The following IGF1R variants were observed in gnomAD, a reference collection of about 807,000 sequenced individuals.
IGF1R encodes insulin like growth factor 1 receptor, also known as insulin-like growth factor 1 receptor.
IGF1R carries 44 observed loss-of-function variants against 144.6 expected under a neutral mutation model. That is an observed-to-expected ratio of 0.30 (90% CI 0.24 to 0.39). IGF1R has a LOEUF of 0.39. Ranked by LOEUF, IGF1R falls within the 10% of genes least tolerant of loss-of-function variation. The pLI is 1.00. For missense variants in IGF1R, 1,355 were observed against 1,833.7 expected (o/e 0.74, Z 4.77); for synonymous variants, 795 against 722.8 (o/e 1.10, Z -1.60).
chr15:98,828,628 C>T (rs1039571298), intron 2 of IGF1R, among the ~76,000 whole-genome samples: 1 of 152,100 alleles, frequency 6.6e-6, no homozygotes, highest in African/African-American at 2.4e-5. Flanking sequence ...GTGCTGTGGC[C>T]ACAGGGTGTC....
At chr15:98,692,413 G>C (rs186882716) in intron 1 of IGF1R, among the ~76,000 whole-genome samples, 49 of 152,210 alleles carry the variant, frequency 3.2e-4, no homozygotes, top group African/African-American at 1.2e-3. Context: ...CATCATCATA[G>C]TTTACTGTAG....
At chr15:98,925,132 A>C (rs1377998060) in intron 13 of IGF1R, among the ~76,000 whole-genome samples, 1 of 152,132 alleles carries the variant, frequency 6.6e-6, no homozygotes, top group Non-Finnish European at 1.5e-5. Flanking sequence ...TCCAGAGGTC[A>C]TCTGGTTCAG....
chr15:98,717,761 AT>A (rs1567092683), intron 2 of IGF1R, among the ~76,000 whole-genome samples: 1 of 152,148 alleles, frequency 6.6e-6, no homozygotes, highest in African/African-American at 2.4e-5. Flanking sequence ...TAAATACCAT[AT>A]TTTTTAAATG....
chr15:98,908,647 A>G (rs1226256222), intron 5 of IGF1R, 38 bp from the exon 6 acceptor site: 3 of 1,559,540 alleles, frequency 1.9e-6, no homozygotes, highest in Non-Finnish European at 2.6e-6. Context: ...GACTGTGGCC[A>G]AGGGCAGGTG....
intron 2 of IGF1R, among the ~76,000 whole-genome samples, chr15:98,797,458 T>G (rs770051183): frequency 6.6e-6 from 1 of 152,242 alleles, no homozygotes; most frequent in Non-Finnish European, 1.5e-5. Flanking sequence ...ATTTAGTAAC[T>G]TCAAATTGTT....
chr15:98,888,438 AGTGTGT>A (rs1191582086), intron 2 of IGF1R, among the ~76,000 whole-genome samples: 7 of 143,354 alleles, frequency 4.9e-5, no homozygotes, highest in African/African-American at 1.6e-4. Context: ...AGAGAGAGAG[AGTGTGT>A]GTGTGTGTGT....
intron 2 of IGF1R, among the ~76,000 whole-genome samples, chr15:98,769,959 C>T (rs1166795502): frequency 6.6e-6 from 1 of 152,056 alleles, no homozygotes; most frequent in Non-Finnish European, 1.5e-5. Flanking sequence ...GTGTTAATCT[C>T]CCGCCTTTGT....
At chr15:98,729,576 T>A (rs1277172198) in intron 2 of IGF1R, among the ~76,000 whole-genome samples, 1 of 151,874 alleles carries the variant, frequency 6.6e-6, no homozygotes, top group Non-Finnish European at 1.5e-5. Flanking sequence ...TTTTTTTTTT[T>A]TAAGTGAACC....
chr15:98,887,500 A>C (rs746206948), intron 2 of IGF1R, among the ~76,000 whole-genome samples: 10 of 152,154 alleles, frequency 6.6e-5, no homozygotes, highest in African/African-American at 1.7e-4. Context: ...TGTTTTCTTT[A>C]AATTGTCAGG....
At chr15:98,922,540 A>G (rs2015533625) in intron 11 of IGF1R, 109 bp downstream of exon 11, 5 of 1,323,434 alleles carry the variant, frequency 3.8e-6, no homozygotes, top group Non-Finnish European at 5.3e-6. Context: ...CCTTAGACCC[A>G]GGCCTGCCTG....
intron 2 of IGF1R, among the ~76,000 whole-genome samples, chr15:98,738,872 C>T (rs552191006): frequency 6.6e-6 from 1 of 152,128 alleles, no homozygotes; most frequent in Non-Finnish European, 1.5e-5. Context: ...ATAGAATGTT[C>T]GTCAAAATGC....
At chr15:98,676,329 G>A (rs1345770581) in intron 1 of IGF1R, among the ~76,000 whole-genome samples, 1 of 151,926 alleles carries the variant, frequency 6.6e-6, no homozygotes, top group African/African-American at 2.4e-5. Context: ...GTAGAAATGG[G>A]GTTTCACTAT....
chr15:98,930,952 A>C (rs932167173), intron 15 of IGF1R, among the ~76,000 whole-genome samples: 14 of 152,176 alleles, frequency 9.2e-5, no homozygotes, highest in African/African-American at 2.9e-4. Context: ...GAGTCGGATT[A>C]GGGTGAGGGG....
chr15:98,877,628 T>G (rs1467556946), intron 2 of IGF1R, among the ~76,000 whole-genome samples: 1 of 151,496 alleles, frequency 6.6e-6, no homozygotes, highest in Non-Finnish European at 1.5e-5. Context: ...GGTCACTGAA[T>G]AGGTGTGTAT....
At chr15:98,807,079 A>T (rs1463922684) in intron 2 of IGF1R, among the ~76,000 whole-genome samples, 1 of 152,192 alleles carries the variant, frequency 6.6e-6, no homozygotes, top group Non-Finnish European at 1.5e-5. Context: ...GAACGGCCTC[A>T]CTCACCTGGG....
intron 2 of IGF1R, among the ~76,000 whole-genome samples, chr15:98,781,922 C>G (rs1295061337): frequency 6.6e-6 from 1 of 152,106 alleles, no homozygotes; most frequent in Non-Finnish European, 1.5e-5. Flanking sequence ...ACTCTGAAAT[C>G]CTCTGAGCAT....
At chr15:98,835,080 TACACACACAC>T (rs34443123) in intron 2 of IGF1R, among the ~76,000 whole-genome samples, 4 of 130,440 alleles carry the variant, frequency 3.1e-5, no homozygotes, top group South Asian at 2.5e-4. Context: ...ACACCCCCCC[TACACACACAC>T]ACACACACAC....
At chr15:98,821,717 C>G (rs1241362100) in intron 2 of IGF1R, among the ~76,000 whole-genome samples, 2 of 152,162 alleles carry the variant, frequency 1.3e-5, no homozygotes, top group Non-Finnish European at 2.9e-5. Context: ...ACCCGGAAAC[C>G]ACTAGCCCAT....
rs1259541317 is a variant in IGF1R at position 98,649,497 on chromosome 15, CTTTCA to C, written c.-80_-76del. On this transcript the variant is annotated 5_prime_UTR_variant, in exon 1 of 21. Transcript: ENST00000650285. ...GAAGACTGAGTTTGAGACTTGTTTCCTTTCATTTCCTTTTTTTCTTTTCTTTTCTT... is the reference window on the plus strand; with the variant it reads ...GAAGACTGAGTTTGAGACTTGTTTCCTTTCCTTTTTTTCTTTTCTTTTCTT... 30 of 959,566 alleles carry C rather than the reference CTTTCA, an allele frequency of 3.1e-5. 1 individual carries two copies. In the East Asian group the frequency reaches 5.2e-4, roughly 17 times the overall value. 59.4% of individuals were successfully genotyped at this position (959,566 alleles called of 1,614,324 possible). A position where few individuals can be genotyped will look rare whatever the true frequency, so the allele number is the denominator to read the frequency against.
Sources: gnomAD v4.1 joint callset for allele counts (sites outside exome capture counted in the v4.1 genomes callset) on GRCh38, gnomAD v4.1.1 for gene constraint, MANE v1.5 for transcripts, NCBI Gene and HGNC (gene_info 2026-07-23, HGNC 2026-07-21) for gene names.